NEU3: variants seen among roughly 807,000 people sequenced by gnomAD.
NEU3 encodes neuraminidase 3.
A neutral mutation model predicts 11.4 loss-of-function variants in NEU3; 10 were observed. That is an observed-to-expected ratio of 0.88 (90% CI 0.54 to 1.49). The LOEUF is 1.49. NEU3 is among the 40% of genes most tolerant of loss of function. The probability of loss-of-function intolerance (pLI) is 0.00; values close to 1 mark genes in which losing one functional copy is unlikely to be tolerated. For synonymous variants in NEU3, 212 were observed against 228.2 expected (o/e 0.93, Z 0.64); for missense variants, 529 against 581.8 (o/e 0.91, Z 0.93).
chr11:74,988,803 G>T, upstream of NEU3: 1 of 522,068 alleles, frequency 1.9e-6, no homozygotes, highest in Non-Finnish European at 3.4e-6. Context: ...CCGAGCTGCG[G>T]GCTGGAGGGA....
chr11:75,017,814 C>CA lies in NEU3; in HGVS notation c.*2-875dup, dbSNP rs1434248362. ...TCTCGAAAAAGACCTCTGTACTGAA[C>CA]AATGGGGGCCTCTGGTCTTTGGGGT... On this transcript the variant is annotated intron_variant, in intron 3 of 3. Transcript: ENST00000529024. Among the ~76,000 whole-genome samples the CA allele has an allele frequency of 3.3e-5, 5 of 152,252 alleles. No homozygotes were observed. In the South Asian group the frequency reaches 8.3e-4, roughly 25 times the overall value.
downstream of NEU3, among the ~76,000 whole-genome samples, chr11:75,020,404 A>G (rs980050316): frequency 2.6e-5 from 4 of 152,098 alleles, no homozygotes; most frequent in African/African-American, 7.2e-5. Context: ...CACCACCCAA[A>G]TCTCATCTTA....
chr11:74,987,580 G>A (rs916991243), upstream of NEU3, among the ~76,000 whole-genome samples: 2 of 152,058 alleles, frequency 1.3e-5, no homozygotes, highest in South Asian at 2.1e-4. Flanking sequence ...TTGGTAGGCC[G>A]AGGCGGGCGG....
intron 2 of NEU3, chr11:74,994,983 C>A: frequency 1.6e-6 from 1 of 624,090 alleles, no homozygotes; most frequent in South Asian, 1.9e-5. Flanking sequence ...GAGAGGTTGC[C>A]ATTTGCTCAA....
At chr11:74,993,655 G>C (rs575627331) in intron 1 of NEU3, among the ~76,000 whole-genome samples, 1 of 152,162 alleles carries the variant, frequency 6.6e-6, no homozygotes, top group Non-Finnish European at 1.5e-5. Flanking sequence ...AACAGAATAC[G>C]TGAAACTGGG....
Position 75,009,184 on chromosome 11 carries a change from G to A in NEU3, c.*2692G>A, listed in dbSNP as rs561334011. The A allele has an allele frequency of 2.0e-5, 3 of 152,410 alleles. No individual in the cohort carries two copies. The East Asian group carries it at 5.8e-4, about 29-fold the overall frequency. The allele number at this position is 152,410 out of a possible 1,614,324, so 9.4% of individuals were successfully genotyped here. A position where few individuals can be genotyped will look rare whatever the true frequency, so the allele number is the denominator to read the frequency against. The stretch of plus-strand genomic sequence containing the variant: ...AAAACAGATCAGAAGAAGAGTCCTG[G>A]CACCTTAGGAAGAGAAAGTGTCACA... On this transcript the variant is annotated 3_prime_UTR_variant, in exon 3 of 3. Coordinates refer to ENST00000294064, the MANE Select transcript of NEU3 (RefSeq NM_006656.6).
At chr11:74,994,209 A>G (rs1948761725) in intron 1 of NEU3, among the ~76,000 whole-genome samples, 4 of 152,262 alleles carry the variant, frequency 2.6e-5, no homozygotes, top group Admixed American at 2.6e-4. Context: ...GGCTGGTAAT[A>G]CCCCTGGATG....
rs145258712 is a variant in NEU3 at position 75,007,974 on chromosome 11, T to C, written c.*1482T>C. The C allele has an allele frequency of 4.6e-5, 7 of 151,576 alleles. No homozygotes were observed. Among genetic ancestry groups the C allele is most frequent in the Non-Finnish European group, 1.0e-4 (7 of 67,890 alleles). 9.4% of individuals were successfully genotyped at this position (151,576 alleles called of 1,614,324 possible). ...AGTTGCACTAGTTGGGTAGAGAGAG[T>C]CCTACAGGATAAAAGTGGAGATTAA... On this transcript the variant is annotated 3_prime_UTR_variant, in exon 3 of 3. Coordinates refer to ENST00000294064, the MANE Select transcript of NEU3 (RefSeq NM_006656.6).
chr11:75,001,083 A>C (rs1948839832), intron 2 of NEU3, among the ~76,000 whole-genome samples: 1 of 151,950 alleles, frequency 6.6e-6, no homozygotes, highest in Non-Finnish European at 1.5e-5. Context: ...CCAACAGTAC[A>C]CAGTGGTTCT....
intron 2 of NEU3, among the ~76,000 whole-genome samples, chr11:74,998,063 T>C (rs2140241816): frequency 6.6e-6 from 1 of 152,256 alleles, no homozygotes; most frequent in East Asian, 1.9e-4. Flanking sequence ...ATTGGCCTAA[T>C]TTCAATGTTG....
At chr11:74,990,162 A>T (rs1435163117) in intron 1 of NEU3, 8 of 622,596 alleles carry the variant, frequency 1.3e-5, no homozygotes, top group Non-Finnish European at 2.3e-5. Flanking sequence ...AAATTTATAA[A>T]ACACTTTTGA....
Position 75,006,185 on chromosome 11 carries a change from C to T in NEU3, c.1079C>T (p.Ser360Leu), listed in dbSNP as rs1948897790. Reference protein sequence around the residue: ...LEEEAGTPSESWLLYSHPTSR... With the variant: ...LEEEAGTPSELWLLYSHPTSR... ...GAGGAAGCTGGAACACCGTCAGAAT[C>T]ATGGCTCTTGTACTCACACCCAACC... is the stretch of plus-strand genomic sequence containing the variant. Residue 360 changes from serine to leucine, a missense_variant, in exon 3 of 3, where the codon TCA becomes TTA. Ser to Leu is a moderately radical substitution (Grantham distance 145). Coordinates refer to ENST00000294064, the MANE Select transcript of NEU3 (RefSeq NM_006656.6). 1 of 1,614,042 alleles carries T rather than the reference C, an allele frequency of 6.2e-7. No homozygotes were observed. Among genetic ancestry groups the T allele is most frequent in the Non-Finnish European group, 8.5e-7 (1 of 1,179,904 alleles).
downstream of NEU3, among the ~76,000 whole-genome samples, chr11:75,014,300 C>G (rs1475674539): frequency 6.6e-6 from 1 of 152,186 alleles, no homozygotes; most frequent in Non-Finnish European, 1.5e-5. Flanking sequence ...GTGCCAGAGG[C>G]CTCAGACACG....
chr11:74,996,834 A>G (rs1450544272), intron 2 of NEU3, among the ~76,000 whole-genome samples: 1 of 152,260 alleles, frequency 6.6e-6, no homozygotes, highest in Non-Finnish European at 1.5e-5. Flanking sequence ...TGAAAACAAC[A>G]TTAATCTCCT....
chr11:74,985,769 A>T (rs1349342854), upstream of NEU3, among the ~76,000 whole-genome samples: 1 of 152,206 alleles, frequency 6.6e-6, no homozygotes, highest in African/African-American at 2.4e-5. Flanking sequence ...TGCCCCAACA[A>T]CAAAAATGCA....
chr11:75,014,523 T>C (rs1948973001), downstream of NEU3, among the ~76,000 whole-genome samples: 1 of 152,120 alleles, frequency 6.6e-6, no homozygotes, highest in African/African-American at 2.4e-5. Context: ...AACCTGCAAA[T>C]CAGGAAACTG....
chr11:74,993,757 G>A lies in NEU3; in HGVS notation c.95-752G>A, dbSNP rs138718110. Reference sequence around the variant, plus strand: ...ATCTGGTGAGGGCTTTCTTGCTGGTGGGGACTCTGCAGAGTCTGGAGGTGG... The same window carrying A: ...ATCTGGTGAGGGCTTTCTTGCTGGTAGGGACTCTGCAGAGTCTGGAGGTGG... On this transcript the variant is annotated intron_variant, in intron 1 of 2. Transcript: ENST00000294064. 5.3e-5 allele frequency among the ~76,000 whole-genome samples: 8 copies of A among 152,214 alleles called. No homozygotes were observed. In the East Asian group the frequency reaches 1.5e-3, roughly 29 times the overall value.
At chr11:75,013,580 C>A (rs1017952261), downstream of NEU3, among the ~76,000 whole-genome samples, 2 of 152,132 alleles carry the variant, frequency 1.3e-5, no homozygotes, top group African/African-American at 4.8e-5. Context: ...GAGGAACAAC[C>A]CAGCCTGGGT....
Position 75,006,147 on chromosome 11 carries a change from A to G in NEU3, c.1041A>G (p.Ser347=), listed in dbSNP as rs188710231. The G allele has an allele frequency of 8.4e-5, 136 of 1,613,982 alleles. No individual in the cohort carries two copies. The highest frequency in any genetic ancestry group is 2.2e-4 in the Admixed American group (13 of 60,026). ...TTCAGCAGAGCTCTCCAGGCAGTTC[A>G]CTGAGGCTGGAGGAGGAAGCTGGAA... The part of the protein sequence containing the change: ...PTIQQSSPGS[S]LRLEEEAGTP... The change falls in exon 3 of 3, where the codon TCA becomes TCG. Residue 347 remains serine, a synonymous_variant. Coordinates refer to ENST00000294064, the MANE Select transcript of NEU3 (RefSeq NM_006656.6).
Sources: gnomAD v4.1 joint callset for allele counts (sites outside exome capture counted in the v4.1 genomes callset) on GRCh38, gnomAD v4.1.1 for gene constraint, MANE v1.5 for transcripts, NCBI Gene and HGNC (gene_info 2026-07-23, HGNC 2026-07-21) for gene names.